PCOLCE2: variants seen among roughly 807,000 people sequenced by gnomAD.
PCOLCE2 encodes the protein procollagen C-endopeptidase enhancer 2, also known as procollagen C-proteinase enhancer 2.
In PCOLCE2, 42 loss-of-function variants were observed where a neutral mutation model predicts 47.0. That is an observed-to-expected ratio of 0.89 (90% CI 0.70 to 1.16). The LOEUF (loss-of-function observed/expected upper bound fraction) is 1.16. Ranked by LOEUF, PCOLCE2 falls within the 50% of genes most tolerant of loss-of-function variation. PCOLCE2 has a pLI of 0.00. For missense variants in PCOLCE2, 500 were observed against 526.1 expected (o/e 0.95, Z 0.49); for synonymous variants, 169 against 191.7 (o/e 0.88, Z 0.98).
intron 2 of PCOLCE2, among the ~76,000 whole-genome samples, chr3:142,855,129 C>T (rs1560136452): frequency 6.6e-6 from 1 of 152,210 alleles, no homozygotes; most frequent in Non-Finnish European, 1.5e-5. Flanking sequence ...TCAAGAGTCA[C>T]TGTTTCAGAG....
rs750843246 is a variant in PCOLCE2, at chr3:142,842,876, G to A, written c.573+48C>T. The stretch of plus-strand genomic sequence containing the variant: ...TGAGAGTTGGTGGGCCCCCCACACT[G>A]GGCAATTCACACATGCATGCTTTCT... On this transcript the variant is annotated intron_variant, in intron 4 of 8. Transcript: ENST00000295992. This position sits in a 1 kb window ranked among gnomAD's most constrained non-coding sequence, Gnocchi z 4.1. The A allele has an allele frequency of 6.2e-7, 1 of 1,603,906 alleles. No homozygotes were observed. Among genetic ancestry groups the A allele is most frequent in the Non-Finnish European group, 8.5e-7 (1 of 1,172,376 alleles).
In PCOLCE2 at chr3:142,844,395, T is replaced by C. The variant is rs147104447; in HGVS notation, c.449-1347A>G. Among the ~76,000 whole-genome samples the C allele has an allele frequency of 2.2e-3, 342 of 152,350 alleles. 1 individual carries two copies. Among genetic ancestry groups the C allele is most frequent in the African/African-American group, 7.7e-3 (322 of 41,584 alleles). On this transcript the variant is annotated intron_variant, in intron 3 of 8. Coordinates refer to ENST00000295992, the MANE Select transcript of PCOLCE2 (RefSeq NM_013363.4). ...AGTTTTGTACACATTTGTTTGTACA[T>C]GTATCTTCATTTCTCTTATATAAAT...
chr3:142,838,170 C>T (rs1937225685), intron 5 of PCOLCE2, among the ~76,000 whole-genome samples: 1 of 152,110 alleles, frequency 6.6e-6, no homozygotes, highest in Non-Finnish European at 1.5e-5. Flanking sequence ...CTACTTGTTT[C>T]TGTTTGGCTA....
intron 2 of PCOLCE2, among the ~76,000 whole-genome samples, chr3:142,857,364 T>C (rs1933083497): frequency 6.6e-6 from 1 of 152,192 alleles, no homozygotes; most frequent in African/African-American, 2.4e-5. Flanking sequence ...GAGAGACAGG[T>C]TATCACTGGT....
At chr3:142,823,749 A>T in intron 6 of PCOLCE2, 134 bp from the exon 7 acceptor site, 1 of 604,304 alleles carries the variant, frequency 1.7e-6, no homozygotes, top group Non-Finnish European at 3.0e-6. Context: ...GAAAAAATTT[A>T]AAACCACGCA....
intron 5 of PCOLCE2, among the ~76,000 whole-genome samples, chr3:142,838,397 T>A (rs1488372181): frequency 1.3e-5 from 2 of 152,084 alleles, no homozygotes; most frequent in African/African-American, 4.8e-5. Context: ...GACAGTGAGC[T>A]CTCTGCTCTC....
chr3:142,845,738 C>T (rs933925405), intron 3 of PCOLCE2, among the ~76,000 whole-genome samples: 5 of 152,128 alleles, frequency 3.3e-5, no homozygotes, highest in African/African-American at 1.2e-4. Flanking sequence ...CTTTGGGAGG[C>T]CGAGGTGGGC....
rs1230991852 is a variant in PCOLCE2, at chr3:142,887,662, T to A, written c.192+7A>T. The A allele has an allele frequency of 1.4e-6, 2 of 1,421,286 alleles. No homozygotes were observed. Among genetic ancestry groups the A allele is most frequent in the Middle Eastern group, 3.5e-4 (2 of 5,688 alleles). The allele number at this position is 1,421,286 out of a possible 1,614,324, so 88.0% of individuals were successfully genotyped here. A position where few individuals can be genotyped will look rare whatever the true frequency, so the allele number is the denominator to read the frequency against. ...TCCAGGAGAATACCTTTTTAAAAAA[T>A]GCTTACTGTGATTTTCCAAGTACAT... On this transcript the variant is annotated splice_region_variant and intron_variant, in intron 2 of 8. Transcript: ENST00000295992.
chr3:142,838,994 GGATA>G lies in PCOLCE2; in HGVS notation c.574-92_574-89del. On this transcript the variant is annotated intron_variant, in intron 4 of 8. Transcript: ENST00000295992. Reference sequence around the variant, plus strand: ...AATTCTTCCTCTCCCCAGATTTGGAGGATACTACGATTTTCCTTTGTAAAAAAAG... The same window carrying G: ...AATTCTTCCTCTCCCCAGATTTGGAGCTACGATTTTCCTTTGTAAAAAAAG... 2.9e-6 allele frequency: 3 copies of G among 1,025,260 alleles called. No individual in the cohort carries two copies. The South Asian group carries it at 5.0e-5, about 17-fold the overall frequency. 63.5% of individuals were successfully genotyped at this position (1,025,260 alleles called of 1,614,324 possible). A position where few individuals can be genotyped will look rare whatever the true frequency, so the allele number is the denominator to read the frequency against.
chr3:142,825,435 C>T (rs750783689), intron 6 of PCOLCE2, among the ~76,000 whole-genome samples: 3 of 152,116 alleles, frequency 2.0e-5, no homozygotes, highest in Admixed American at 6.5e-5. Context: ...TTCCCGCGAT[C>T]GTTTCTATGG....
At chr3:142,888,040 T>A (rs1425205764) in intron 1 of PCOLCE2, among the ~76,000 whole-genome samples, 1 of 152,210 alleles carries the variant, frequency 6.6e-6, no homozygotes, top group Non-Finnish European at 1.5e-5. Flanking sequence ...CTCGGCATTG[T>A]GGCAAAGTCT....
chr3:142,835,033 T>C (rs548955124), intron 5 of PCOLCE2, among the ~76,000 whole-genome samples: 10 of 152,160 alleles, frequency 6.6e-5, no homozygotes, highest in Non-Finnish European at 7.4e-5. Context: ...TTGAAAAAAA[T>C]AGAGTTTCTC....
chr3:142,829,530 A>C, intron 6 of PCOLCE2, 162 bp downstream of exon 6: 1 of 516,376 alleles, frequency 1.9e-6, no homozygotes, highest in South Asian at 4.3e-5. Flanking sequence ...CTTACACCCC[A>C]TACCTTTCTT....
At chr3:142,888,172 G>A (rs1933750204) in intron 1 of PCOLCE2, among the ~76,000 whole-genome samples, 1 of 152,168 alleles carries the variant, frequency 6.6e-6, no homozygotes, top group Non-Finnish European at 1.5e-5. Context: ...TATAAAAAAA[G>A]TTTGTCGTTC....
intron 5 of PCOLCE2, among the ~76,000 whole-genome samples, chr3:142,830,323 T>C (rs1416942881): frequency 1.3e-5 from 2 of 152,252 alleles, no homozygotes; most frequent in Non-Finnish European, 2.9e-5. Flanking sequence ...GTTTGCCATG[T>C]TGGCTACAGA....
chr3:142,868,148 C>A (rs1320751965), intron 2 of PCOLCE2, among the ~76,000 whole-genome samples: 1 of 152,130 alleles, frequency 6.6e-6, no homozygotes, highest in South Asian at 2.1e-4. Context: ...CAGGTCACGA[C>A]GTGCAGGGCT....
At chr3:142,825,611 G>A (rs1040880267) in intron 6 of PCOLCE2, among the ~76,000 whole-genome samples, 11 of 152,048 alleles carry the variant, frequency 7.2e-5, no homozygotes, top group African/African-American at 2.4e-4. Flanking sequence ...TCCCCTCCAA[G>A]CTTATTTATT....
At chr3:142,868,453 C>T (rs1933324556) in intron 2 of PCOLCE2, among the ~76,000 whole-genome samples, 1 of 152,118 alleles carries the variant, frequency 6.6e-6, no homozygotes. Flanking sequence ...CAATTCTTTA[C>T]CTTCTACTTT....
At chr3:142,843,552 C>T (rs1379828275) in intron 3 of PCOLCE2, among the ~76,000 whole-genome samples, 2 of 151,160 alleles carry the variant, frequency 1.3e-5, no homozygotes. Flanking sequence ...ATAATATTTA[C>T]AAATTTTCAG....
Sources: gnomAD v4.1 joint callset for allele counts (sites outside exome capture counted in the v4.1 genomes callset) on GRCh38, gnomAD v4.1.1 for gene constraint, Gnocchi (gnomAD v3.1) non-coding constraint, MANE v1.5 for transcripts, NCBI Gene and HGNC (gene_info 2026-07-23, HGNC 2026-07-21) for gene names.